The following PCDHA9 variants were observed in gnomAD, a reference collection of about 807,000 sequenced individuals.
PCDHA9 encodes the protein protocadherin alpha-9.
In PCDHA9, 62 loss-of-function variants were observed where a neutral mutation model predicts 62.0. That is an observed-to-expected ratio of 1.00 (90% CI 0.81 to 1.23). The LOEUF (loss-of-function observed/expected upper bound fraction) is 1.23, where lower values mean the gene tolerates loss of function less well. PCDHA9 is among the 50% of genes most tolerant of loss of function. The pLI, the probability that PCDHA9 is intolerant of heterozygous loss-of-function variation, is 0.00. For missense variants in PCDHA9, 1,205 were observed against 1,249.8 expected (o/e 0.96, Z 0.54); for synonymous variants, 557 against 567.6 (o/e 0.98, Z 0.27).
chr5:140,860,192 C>CATATATATATATATATATAT (rs143984774), intron 1 of PCDHA9: 1 of 146,816 alleles, frequency 6.8e-6, no homozygotes, highest in African/African-American at 2.5e-5. Context: ...GCTCTCCTTA[C>CATATATATATATATATATAT]ATATATATCT....
intron 1 of PCDHA9, among the ~76,000 whole-genome samples, chr5:140,898,043 T>A (rs1554187781): frequency 6.6e-6 from 1 of 152,148 alleles, no homozygotes; most frequent in African/African-American, 2.4e-5. Context: ...GTTGTTTGTT[T>A]TTTTCTTGTA....
chr5:140,926,805 G>T (rs1383202456), intron 1 of PCDHA9: 3 of 1,452,468 alleles, frequency 2.1e-6, no homozygotes, highest in East Asian at 5.0e-5. Flanking sequence ...GCTCTTCCCC[G>T]CGGCTCGTGC....
At chr5:140,918,977 AG>A (rs1226723076) in intron 1 of PCDHA9, among the ~76,000 whole-genome samples, 6 of 152,192 alleles carry the variant, frequency 3.9e-5, no homozygotes, top group African/African-American at 1.4e-4. Context: ...CGTTTAGGTT[AG>A]TTGGTTTTTA....
intron 1 of PCDHA9, among the ~76,000 whole-genome samples, chr5:140,935,973 A>C (rs956262031): frequency 1.3e-5 from 2 of 150,786 alleles, no homozygotes; most frequent in Admixed American, 1.3e-4. Flanking sequence ...GCTCACTGCA[A>C]TCTCTGCCTC....
At chr5:140,939,841 T>C (rs1269688667) in intron 1 of PCDHA9, among the ~76,000 whole-genome samples, 5 of 152,344 alleles carry the variant, frequency 3.3e-5, no homozygotes, top group Middle Eastern at 3.4e-3. Context: ...TGCTTGTTGT[T>C]GTGTTCTGTA....
At chr5:140,921,165 A>T (rs959305878) in intron 1 of PCDHA9, among the ~76,000 whole-genome samples, 1 of 151,798 alleles carries the variant, frequency 6.6e-6, no homozygotes, top group Non-Finnish European at 1.5e-5. Flanking sequence ...TTTTTTTAAC[A>T]CACATAAAGC....
chr5:140,862,131 G>C (rs375206364), intron 1 of PCDHA9: 1 of 162,230 alleles, frequency 6.2e-6, no homozygotes, highest in Non-Finnish European at 1.4e-5. Context: ...TGTAAAGATA[G>C]GTTTTGAGGA....
In PCDHA9 at chr5:140,849,618, A is replaced by T. The variant is rs2150442599; in HGVS notation, c.1123A>T (p.Ile375Phe). Residue 375 changes from isoleucine (I) to phenylalanine (F), a missense_variant, in exon 1 of 4, where the codon ATC (isoleucine) becomes TTC (phenylalanine). Ile to Phe is a conservative substitution (Grantham distance 21). This residue lies in a region of PCDHA9 where 887 missense variants were observed against 809.5 expected (regional missense o/e 1.10). Transcript: ENST00000532602. ...GACAGTTATTGCCCTGATTAGTGTG[A>T]TCGACCTAGACGCAGATGCCAACGG... is the stretch of plus-strand genomic sequence containing the variant. ...LGTVIALISV[I>F]DLDADANGQV... The T allele has an allele frequency of 1.9e-6, 3 of 1,598,686 alleles. No individual in the cohort carries two copies. The South Asian group carries it at 3.3e-5, about 18-fold the overall frequency.
intron 2 of PCDHA9, chr5:140,982,222 A>C: frequency 3.5e-6 from 2 of 569,284 alleles, no homozygotes; most frequent in Non-Finnish European, 2.7e-6. Context: ...CATGGCGTTA[A>C]TAAAAAACAG....
intron 1 of PCDHA9, chr5:140,969,257 AATC>A (rs782398697): frequency 1.2e-6 from 2 of 1,614,102 alleles, no homozygotes; most frequent in African/African-American, 2.7e-5. Context: ...TGACAGCAGG[AATC>A]TCACAGGCCA....
chr5:140,871,553 GT>G lies in PCDHA9; in HGVS notation c.2394+20672del, dbSNP rs555355563. 1.1e-3 allele frequency: 1,577 copies of G among 1,491,202 alleles called. 1 individual carries two copies. The highest frequency in any genetic ancestry group is 2.7e-3 in the Middle Eastern group (15 of 5,580). 92.4% of individuals were successfully genotyped at this position (1,491,202 alleles called of 1,614,324 possible). On this transcript the variant is annotated intron_variant, in intron 1 of 3. Transcript: ENST00000532602. ...TGTATGTGAAATTATTTAAAATCCA[GT>G]TTTTTTTCACGGATTTTTTAAGGGA...
rs1428126460 is a variant in PCDHA9, at chr5:140,848,665, C to A, written c.170C>A (p.Ala57Glu). 7 of 1,592,108 alleles carry A rather than the reference C, an allele frequency of 4.4e-6. No individual in the cohort carries two copies. The highest frequency in any genetic ancestry group is 5.2e-6 in the Non-Finnish European group (6 of 1,163,410). The change falls in exon 1 of 4, where the codon GCG becomes GAG. Residue 57 changes from alanine (A) to glutamate (E), a missense_variant. By Grantham distance (107) the Ala-to-Glu change is moderately radical. Coordinates refer to ENST00000532602, the MANE Select transcript of PCDHA9 (RefSeq NM_031857.2). ...GCGCAGGACCTGGGGCTGGAGCTGG[C>A]GGAGCTGGTGCCGCGCCTGTTCCAG... ...RIAQDLGLEL[A>E]ELVPRLFQLD...
chr5:140,948,276 G>A (rs375889469), intron 1 of PCDHA9, among the ~76,000 whole-genome samples: 1 of 151,520 alleles, frequency 6.6e-6, no homozygotes, highest in East Asian at 1.9e-4. Context: ...TAGAATATCT[G>A]TAAATAATTT....
intron 1 of PCDHA9, among the ~76,000 whole-genome samples, chr5:140,962,736 C>T (rs1233355346): frequency 2.0e-5 from 3 of 152,136 alleles, no homozygotes; most frequent in Non-Finnish European, 4.4e-5. Flanking sequence ...TCTGGGGATG[C>T]ATGAAGATCA....
intron 1 of PCDHA9, chr5:140,856,129 C>T: frequency 6.3e-7 from 1 of 1,598,096 alleles, no homozygotes; most frequent in Non-Finnish European, 8.6e-7. Flanking sequence ...AGGTGGGGAG[C>T]GGCCAGCTCC....
chr5:140,957,827 T>C (rs2095387768), intron 1 of PCDHA9, among the ~76,000 whole-genome samples: 1 of 150,810 alleles, frequency 6.6e-6, no homozygotes, highest in Admixed American at 6.7e-5. Flanking sequence ...TAAGAGAAAG[T>C]GTTAATTGAT....
chr5:140,849,539 A>G lies in PCDHA9; in HGVS notation c.1044A>G (p.Pro348=), dbSNP rs2150439995. ...TTGTGGATGTAAATGACAATGCTCC[A>G]CAGTTGACTATCAAAACGCTCTCGG... ...VEVVDVNDNA[P]QLTIKTLSVP... Residue 348 remains proline, a synonymous_variant, in exon 1 of 4, where the codon CCA becomes CCG. Coordinates refer to ENST00000532602, the MANE Select transcript of PCDHA9 (RefSeq NM_031857.2). 1.9e-6 allele frequency: 3 copies of G among 1,598,028 alleles called. 1 individual carries two copies. The highest frequency in any genetic ancestry group is 1.7e-6 in the Non-Finnish European group (2 of 1,167,768).
intron 2 of PCDHA9, among the ~76,000 whole-genome samples, chr5:140,980,152 C>G (rs1554241475): frequency 6.6e-6 from 1 of 152,040 alleles, no homozygotes; most frequent in African/African-American, 2.4e-5. Context: ...CATGCATATA[C>G]CAGAATATTA....
rs2150466254 is a variant in PCDHA9 at position 140,850,086 on chromosome 5, C to T, written c.1591C>T (p.Leu531=). 17 of 1,596,424 alleles carry T rather than the reference C, an allele frequency of 1.1e-5. No homozygotes were observed. Among genetic ancestry groups the T allele is most frequent in the African/African-American group, 2.7e-5 (2 of 74,342 alleles). ...QPLDHEELEL[L]QFQVSARDAG... is the part of the protein sequence containing the mutation. ...GTTGGACCACGAGGAGCTGGAGCTG[C>T]TACAGTTCCAGGTGAGCGCGCGCGA... Residue 531 remains leucine (L), a synonymous_variant, in exon 1 of 4, where the codon CTA becomes TTA. Transcript: ENST00000532602.
Sources: gnomAD v4.1 joint callset for allele counts (sites outside exome capture counted in the v4.1 genomes callset) on GRCh38, gnomAD v4.1.1 for gene constraint, gnomAD v4.1.1 regional missense constraint, MANE v1.5 for transcripts, NCBI Gene and HGNC (gene_info 2026-07-23, HGNC 2026-07-21) for gene names.